SDCBP: variants seen among roughly 807,000 people sequenced by gnomAD.
SDCBP encodes syntenin-1.
SDCBP carries 22 observed loss-of-function variants against 30.5 expected under a neutral mutation model. That is an observed-to-expected ratio of 0.72 (90% CI 0.52 to 1.03). The LOEUF (loss-of-function observed/expected upper bound fraction) is 1.03, where lower values mean the gene tolerates loss of function less well. Ranked by LOEUF, SDCBP falls within the 50% of genes least tolerant of loss-of-function variation. The probability of loss-of-function intolerance (pLI) is 0.00; values close to 1 mark genes in which losing one functional copy is unlikely to be tolerated. For synonymous variants in SDCBP, 103 were observed against 118.7 expected (o/e 0.87, Z 0.86); for missense variants, 304 against 369.9 (o/e 0.82, Z 1.46).
At chr8:58,561,605 G>T (rs1804445944) in intron 1 of SDCBP, 1 of 494,390 alleles carries the variant, frequency 2.0e-6, no homozygotes, top group Non-Finnish European at 3.6e-6. Flanking sequence ...TACTGTATGT[G>T]GCAAAACTTT....
intron 7 of SDCBP, among the ~76,000 whole-genome samples, chr8:58,580,240 CAGTT>C (rs1371218706): frequency 1.3e-5 from 2 of 152,082 alleles, no homozygotes; most frequent in African/African-American, 2.4e-5. Flanking sequence ...TTAGAATACA[CAGTT>C]AATAAGAGGA....
Position 58,579,688 on chromosome 8 carries a change from A to C in SDCBP, c.644A>C (p.Asn215Thr). 3 of 1,612,214 alleles carry C rather than the reference A, an allele frequency of 1.9e-6. No individual in the cohort carries two copies. Among genetic ancestry groups the C allele is most frequent in the Non-Finnish European group, 2.5e-6 (3 of 1,179,462 alleles). Reference protein sequence around the residue: ...STGHVGFIFKNGKITSIVKDS... With the variant: ...STGHVGFIFKTGKITSIVKDS... The stretch of plus-strand genomic sequence containing the variant: ...GGACATGTTGGTTTTATCTTTAAAA[A>C]TGGAAAAATAACATCCATAGTGAAA... Residue 215 changes from asparagine (N) to threonine (T), a missense_variant, in exon 7 of 9, where the codon AAT becomes ACT. Physicochemically the swap from Asn to Thr is moderately conservative, Grantham distance 65 (BLOSUM62 0). Transcript: ENST00000260130.
At position 58,562,565 on chromosome 8, in the gene SDCBP, C is replaced by T. The variant is rs550917205; in HGVS notation, c.-15-2454C>T. ...TACAGTTATGATCACTTTTCAATAACGATGCGAAGACAATTCAAAAATGTT... is the reference window on the plus strand; with the variant it reads ...TACAGTTATGATCACTTTTCAATAATGATGCGAAGACAATTCAAAAATGTT... On this transcript the variant is annotated intron_variant, in intron 1 of 8. Transcript: ENST00000260130. Among the ~76,000 whole-genome samples, 9 of 151,484 alleles carry T rather than the reference C, an allele frequency of 5.9e-5. No individual in the cohort carries two copies. In the South Asian group the frequency reaches 8.4e-4, roughly 14 times the overall value.
At chr8:58,580,795 G>A (rs765838664) in intron 8 of SDCBP, among the ~76,000 whole-genome samples, 187 bp downstream of exon 8, 4 of 152,070 alleles carry the variant, frequency 2.6e-5, no homozygotes, top group Non-Finnish European at 4.4e-5. Context: ...TCCCAAGTAC[G>A]GAATAAAATT....
At position 58,578,541 on chromosome 8, in the gene SDCBP, C is replaced by T. The variant is rs1805479182; in HGVS notation, c.578+333C>T. ...GCCTAGGGTGTTCACACACAGTGGT[C>T]CCTCATTGTGAGGGTCAGAGCCCAT... On this transcript the variant is annotated intron_variant, in intron 6 of 8. Transcript: ENST00000260130. Among the ~76,000 whole-genome samples the T allele has an allele frequency of 2.0e-5, 3 of 152,260 alleles. No homozygotes were observed. In the South Asian group the frequency reaches 6.2e-4, roughly 32 times the overall value.
At chr8:58,577,999 G>A in intron 5 of SDCBP, 34 bp from the exon 6 acceptor site, 2 of 1,535,808 alleles carry the variant, frequency 1.3e-6, no homozygotes, top group Non-Finnish European at 1.8e-6. Flanking sequence ...TCATAGTAGT[G>A]GTAAATGACA....
At chr8:58,581,563 T>C (rs771326304) in intron 8 of SDCBP, 123 bp from the exon 9 acceptor site, 17 of 706,510 alleles carry the variant, frequency 2.4e-5, no homozygotes, top group Non-Finnish European at 4.1e-5. Flanking sequence ...CTTTCCCTTC[T>C]CTCCATTCAT....
rs1805037448 is a variant in SDCBP at position 58,571,726 on chromosome 8, GAC to G, written c.131-476_131-475del. 2.6e-5 allele frequency among the ~76,000 whole-genome samples: 4 copies of G among 152,176 alleles called. No individual in the cohort carries two copies. In the South Asian group the frequency reaches 8.3e-4, roughly 32 times the overall value. ...GTGGTTAAAATTATTAAAATGATAA[GAC>G]ACTAAATAAATTTACAAGCTTCCAA... On this transcript the variant is annotated intron_variant, in intron 3 of 8. Transcript: ENST00000260130.
rs1805072208 is a variant in SDCBP, at chr8:58,572,301, C to G, written c.227C>G (p.Ala76Gly). 7.5e-6 allele frequency: 12 copies of G among 1,603,476 alleles called. No homozygotes were observed. Among genetic ancestry groups the G allele is most frequent in the Non-Finnish European group, 1.0e-5 (12 of 1,171,172 alleles). Residue 76 changes from alanine (A) to glycine (G), a missense_variant, in exon 4 of 9, where the codon GCA (alanine) becomes GGA (glycine). Coordinates refer to ENST00000260130, the MANE Select transcript of SDCBP (RefSeq NM_005625.4). The part of the protein sequence containing the change: ...IRANVAVVSG[A>G]PLQGQLVARP... ...GCAAATGTGGCCGTGGTTTCTGGTG[C>G]ACCACTTCAGGGGGTATGTATAGTG...
chr8:58,573,804 G>C (rs1198026845), intron 4 of SDCBP, among the ~76,000 whole-genome samples: 3 of 152,136 alleles, frequency 2.0e-5, no homozygotes, highest in African/African-American at 7.2e-5. Flanking sequence ...TGGATTTGGA[G>C]CTGACAAACA....
At chr8:58,568,173 C>T (rs1191679929) in intron 2 of SDCBP, among the ~76,000 whole-genome samples, 3 of 152,152 alleles carry the variant, frequency 2.0e-5, no homozygotes, top group Non-Finnish European at 2.9e-5. Flanking sequence ...AAACATTGTA[C>T]AGCTGTATAA....
Position 58,570,869 on chromosome 8 carries a change from T to A in SDCBP, c.52-18T>A. The A allele has an allele frequency of 2.5e-6, 4 of 1,591,538 alleles. No homozygotes were observed. Among genetic ancestry groups the A allele is most frequent in the Non-Finnish European group, 3.4e-6 (4 of 1,160,526 alleles). ...TAAGTATAGCATATTGTTAGAATTT[T>A]CTTCTTTTCTTTTTCAGGCTCAAAC... On this transcript the variant is annotated intron_variant, in intron 2 of 8. Transcript: ENST00000260130.
chr8:58,581,737 T>A lies in SDCBP; in HGVS notation c.894T>A (p.Val298=). 6.2e-7 allele frequency: 1 copy of A among 1,611,844 alleles called. No homozygotes were observed. The highest frequency in any genetic ancestry group is 1.3e-5 in the African/African-American group (1 of 74,988). Residue 298 remains valine (V), a synonymous_variant, in exon 9 of 9, where the codon GTT becomes GTA. Transcript: ENST00000260130. Reference sequence around the variant, plus strand: ...TAATGGACCACACCATTCCTGAGGTTTAAAATTCACGGCACCATGGAAATG... The same window carrying A: ...TAATGGACCACACCATTCCTGAGGTATAAAATTCACGGCACCATGGAAATG... ...KSLMDHTIPE[V]
At chr8:58,576,238 A>G (rs1805309347) in intron 5 of SDCBP, 177 bp downstream of exon 5, 1 of 570,308 alleles carries the variant, frequency 1.8e-6, no homozygotes, top group Non-Finnish European at 3.1e-6. Flanking sequence ...TTGCAGAGGC[A>G]TAGTTGGGAC....
At chr8:58,576,139 T>C in intron 5 of SDCBP, 78 bp downstream of exon 5, 1 of 1,080,366 alleles carries the variant, frequency 9.3e-7, no homozygotes, top group Non-Finnish European at 1.4e-6. Flanking sequence ...TAATTTGAAA[T>C]GGAAATGCTT....
At chr8:58,556,005 T>A (rs936616022) in intron 1 of SDCBP, among the ~76,000 whole-genome samples, 9 of 152,186 alleles carry the variant, frequency 5.9e-5, no homozygotes, top group African/African-American at 2.2e-4. Context: ...TCACTCCAAA[T>A]TTTCCTGGTT....
rs945894998 is a variant in SDCBP at position 58,579,657 on chromosome 8, A to G, written c.613A>G (p.Ser205Gly). The change falls in exon 7 of 9, where the codon AGC becomes GGC. Residue 205 changes from serine (S) to glycine (G), a missense_variant. Transcript: ENST00000260130. The stretch of plus-strand genomic sequence containing the variant: ...ACGGACGATTACCATGCATAAGGAT[A>G]GCACTGGACATGTTGGTTTTATCTT... ...FERTITMHKD[S>G]TGHVGFIFKN... 1.2e-6 allele frequency: 2 copies of G among 1,607,222 alleles called. No homozygotes were observed. The highest frequency in any genetic ancestry group is 2.7e-5 in the African/African-American group (2 of 74,676).
At chr8:58,565,910 AT>A (rs1189137592) in intron 2 of SDCBP, among the ~76,000 whole-genome samples, 1 of 152,122 alleles carries the variant, frequency 6.6e-6, no homozygotes, top group African/African-American at 2.4e-5. Context: ...CCTGAAGATC[AT>A]TTTATTGGGT....
chr8:58,577,675 T>C (rs1216072449), intron 5 of SDCBP, among the ~76,000 whole-genome samples: 2 of 152,236 alleles, frequency 1.3e-5, no homozygotes, highest in Non-Finnish European at 1.5e-5. Flanking sequence ...TTTGGTATTC[T>C]ATCAGACTCA....
Sources: gnomAD v4.1 joint callset for allele counts (sites outside exome capture counted in the v4.1 genomes callset) on GRCh38, gnomAD v4.1.1 for gene constraint, MANE v1.5 for transcripts, NCBI Gene and HGNC (gene_info 2026-07-23, HGNC 2026-07-21) for gene names.